The following CRTC1 variants were observed in gnomAD, a reference collection of about 807,000 sequenced individuals.
CRTC1 encodes CREB regulated transcription coactivator 1.
A neutral mutation model predicts 66.1 loss-of-function variants in CRTC1; 18 were observed. That is an observed-to-expected ratio of 0.27 (90% CI 0.19 to 0.40). The LOEUF (loss-of-function observed/expected upper bound fraction) is 0.40. CRTC1 is among the 10% of genes least tolerant of loss of function. The probability of loss-of-function intolerance (pLI) is 1.00; values close to 1 mark genes in which losing one functional copy is unlikely to be tolerated. For synonymous variants in CRTC1, 416 were observed against 398.8 expected (o/e 1.04, Z -0.51); for missense variants, 669 against 887.9 (o/e 0.75, Z 3.13).
chr19:18,727,365 A>G (rs1249694360), intron 1 of CRTC1, among the ~76,000 whole-genome samples: 1 of 151,948 alleles, frequency 6.6e-6, no homozygotes, highest in Non-Finnish European at 1.5e-5. Flanking sequence ...GCAGGTCACG[A>G]GGTCAGGAGA....
chr19:18,695,875 A>G (rs983743359), intron 1 of CRTC1, among the ~76,000 whole-genome samples: 1 of 152,134 alleles, frequency 6.6e-6, no homozygotes, highest in Non-Finnish European at 1.5e-5. Flanking sequence ...AAAAACAAAC[A>G]AACAAACAAA....
At position 18,775,484 on chromosome 19, in the gene CRTC1, T is replaced by C. The variant is rs574251877; in HGVS notation, c.1513-157T>C. On this transcript the variant is annotated intron_variant, in intron 12 of 13. Coordinates refer to ENST00000321949, the MANE Select transcript of CRTC1 (RefSeq NM_015321.3). The stretch of plus-strand genomic sequence containing the variant: ...TGGCGGGGAGGCCCCAGGTGGCGGG[T>C]GGAGTGGGGTTCGTGCTTGGCAGCC... 8.3e-3 allele frequency among the ~76,000 whole-genome samples: 1,259 copies of C among 152,058 alleles called. 6 individuals are homozygous for C. The highest frequency in any genetic ancestry group is 0.014 in the Non-Finnish European group (956 of 67,948).
intron 6 of CRTC1, among the ~76,000 whole-genome samples, chr19:18,756,415 G>A (rs971249971): frequency 6.6e-6 from 1 of 151,322 alleles, no homozygotes; most frequent in Admixed American, 6.6e-5. Context: ...GGGAGGCTGA[G>A]GTGGGAGGAT....
rs773029804 is a variant in CRTC1 at position 18,777,140 on chromosome 19, C to A, written c.1694-31C>A. The A allele has an allele frequency of 1.6e-6, 2 of 1,225,294 alleles. No individual in the cohort carries two copies. 75.9% of individuals were successfully genotyped at this position (1,225,294 alleles called of 1,614,324 possible). A position where few individuals can be genotyped will look rare whatever the true frequency, so the allele number is the denominator to read the frequency against. On this transcript the variant is annotated intron_variant, in intron 13 of 13. Transcript: ENST00000321949. The surrounding 1 kb of genome is among the most constrained non-coding windows in gnomAD (Gnocchi z 5.5). Reference sequence around the variant, plus strand: ...TGCGAGCGATGGAGCCAGGGCTAAGCAGTGCCTTTTGTCCCCACCCCATCC... The same window carrying A: ...TGCGAGCGATGGAGCCAGGGCTAAGAAGTGCCTTTTGTCCCCACCCCATCC...
At chr19:18,715,996 C>CGG (rs948221439) in intron 1 of CRTC1, among the ~76,000 whole-genome samples, 1 of 151,612 alleles carries the variant, frequency 6.6e-6, no homozygotes, top group Non-Finnish European at 1.5e-5. Context: ...CAGCGGTTGG[C>CGG]GGGGGGGGTG....
At chr19:18,752,147 CAAAAAAA>C (rs35618318) in intron 5 of CRTC1, among the ~76,000 whole-genome samples, 2 of 90,622 alleles carry the variant, frequency 2.2e-5, no homozygotes, top group East Asian at 5.1e-4. Flanking sequence ...AAGACTGTCT[CAAAAAAA>C]AAAAAAAAAA....
At chr19:18,749,753 T>A (rs1302599227) in intron 4 of CRTC1, 28 bp from the exon 5 acceptor site, 1 of 1,586,316 alleles carries the variant, frequency 6.3e-7, no homozygotes, top group Non-Finnish European at 8.7e-7. Context: ...GGGCTGAGGC[T>A]CATTGTCTCT....
intron 1 of CRTC1, among the ~76,000 whole-genome samples, chr19:18,707,154 G>A (rs2053285854): frequency 6.6e-6 from 1 of 152,096 alleles, no homozygotes; most frequent in South Asian, 2.1e-4. Context: ...TCTTCCAAGA[G>A]TTTTATAGTT....
rs2054295514 is a variant in CRTC1 at position 18,748,537 on chromosome 19, A to G, written c.444-1244A>G. Among the ~76,000 whole-genome samples, 3 of 146,248 alleles carry G rather than the reference A, an allele frequency of 2.1e-5. No individual in the cohort carries two copies. In the South Asian group the frequency reaches 6.7e-4, roughly 32 times the overall value. On this transcript the variant is annotated intron_variant, in intron 4 of 13. Coordinates refer to ENST00000321949, the MANE Select transcript of CRTC1 (RefSeq NM_015321.3). The stretch of plus-strand genomic sequence containing the variant: ...GCCTGGCTGTTATATATATTTTACT[A>G]CAATAGAAATATATATAACAGGCAC...
At chr19:18,697,210 T>C (rs2053012642) in intron 1 of CRTC1, among the ~76,000 whole-genome samples, 1 of 152,254 alleles carries the variant, frequency 6.6e-6, no homozygotes, top group East Asian at 1.9e-4. Flanking sequence ...CGGGGCCTCC[T>C]CCTTGGGGTT....
At chr19:18,704,121 A>G (rs2053207573) in intron 1 of CRTC1, among the ~76,000 whole-genome samples, 1 of 151,838 alleles carries the variant, frequency 6.6e-6, no homozygotes, top group South Asian at 2.1e-4. Flanking sequence ...TTCTTTTTAT[A>G]TTTTTTCTTT....
At chr19:18,749,942 CAGG>C in intron 5 of CRTC1, 67 bp downstream of exon 5, 1 of 1,250,448 alleles carries the variant, frequency 8.0e-7, no homozygotes, top group Non-Finnish European at 1.2e-6. Flanking sequence ...CCCTGTTCTC[CAGG>C]AGGTCACAAG....
Position 18,771,400 on chromosome 19 carries a change from G to A in CRTC1, c.1321-42G>A, listed in dbSNP as rs769554082. 6.5e-7 allele frequency: 1 copy of A among 1,542,762 alleles called. No homozygotes were observed. ...GAAGCAGGGACTGGAGCCCGGGCTT[G>A]GGCAGCTGGGCTGCGGCGTGCTGAT... On this transcript the variant is annotated intron_variant, in intron 10 of 13. Coordinates refer to ENST00000321949, the MANE Select transcript of CRTC1 (RefSeq NM_015321.3). This position sits in a 1 kb window ranked among gnomAD's most constrained non-coding sequence, Gnocchi z 4.6.
intron 1 of CRTC1, among the ~76,000 whole-genome samples, chr19:18,727,638 G>C (rs1343470101): frequency 1.4e-5 from 2 of 146,804 alleles, no homozygotes; most frequent in South Asian, 2.2e-4. Flanking sequence ...CAGAAGCAAA[G>C]AATGAGGCGA....
At chr19:18,706,977 C>T (rs1408170094) in intron 1 of CRTC1, among the ~76,000 whole-genome samples, 4 of 152,060 alleles carry the variant, frequency 2.6e-5, no homozygotes, top group East Asian at 1.9e-4. Context: ...TCTCTCATTC[C>T]GTGGGAATGG....
chr19:18,729,550 G>T (rs1243447939), intron 1 of CRTC1, among the ~76,000 whole-genome samples: 2 of 151,988 alleles, frequency 1.3e-5, no homozygotes, highest in Non-Finnish European at 2.9e-5. Context: ...TTTGAGACCA[G>T]CCTGGGCAAC....
chr19:18,748,860 C>T (rs2054303806), intron 4 of CRTC1, among the ~76,000 whole-genome samples: 1 of 152,060 alleles, frequency 6.6e-6, no homozygotes. Context: ...ATAGGTCAGG[C>T]CCTGTTCCCA....
Position 18,775,726 on chromosome 19 carries a change from C to T in CRTC1, c.1598C>T (p.Ala533Val). 6.2e-7 allele frequency: 1 copy of T among 1,612,634 alleles called. No individual in the cohort carries two copies. Among genetic ancestry groups the T allele is most frequent in the Non-Finnish European group, 8.5e-7 (1 of 1,179,802 alleles). ...TCCACACTCAACTACTCGCAGGCGG[C>T]CATGATGGGCCTCACGGGCAGCCAC... ...PGSTLNYSQA[A>V]MMGLTGSHGS... The change falls in exon 13 of 14, where the codon GCC becomes GTC. Residue 533 changes from alanine to valine, a missense_variant. Coordinates refer to ENST00000321949, the MANE Select transcript of CRTC1 (RefSeq NM_015321.3).
At position 18,717,703 on chromosome 19, in the gene CRTC1, AGG is replaced by A. The variant is rs1343300945; in HGVS notation, c.127-25205_127-25204del. On this transcript the variant is annotated intron_variant, in intron 1 of 13. Coordinates refer to ENST00000321949, the MANE Select transcript of CRTC1 (RefSeq NM_015321.3). ...GGATGCAGCTCAGAGAGGAGGGTGCAGGGTTCCGGGGTGGGCCAAATGCCGGG... is the reference window on the plus strand; with the variant it reads ...GGATGCAGCTCAGAGAGGAGGGTGCAGTTCCGGGGTGGGCCAAATGCCGGG... Among the ~76,000 whole-genome samples, 19 of 151,842 alleles carry A rather than the reference AGG, an allele frequency of 1.3e-4. No homozygotes were observed. In the East Asian group the frequency reaches 3.7e-3, roughly 29 times the overall value.
Sources: gnomAD v4.1 joint callset for allele counts (sites outside exome capture counted in the v4.1 genomes callset) on GRCh38, gnomAD v4.1.1 for gene constraint, Gnocchi (gnomAD v3.1) non-coding constraint, MANE v1.5 for transcripts, NCBI Gene and HGNC (gene_info 2026-07-23, HGNC 2026-07-21) for gene names.